The following MYO9B variants were observed in gnomAD, a reference collection of about 807,000 sequenced individuals.
The protein encoded by MYO9B is unconventional myosin-IXb.
In MYO9B, 71 loss-of-function variants were observed where a neutral mutation model predicts 229.5. The ratio of observed to expected loss-of-function variants is 0.31; its 90% confidence interval spans 0.26 to 0.38. The LOEUF is 0.38. Ranked by LOEUF, MYO9B falls within the 10% of genes least tolerant of loss-of-function variation. The pLI, the probability that MYO9B is intolerant of heterozygous loss-of-function variation, is 1.00. For missense variants in MYO9B, 2,255 were observed against 2,920.5 expected, an observed-to-expected ratio of 0.77 and a Z score of 5.25; for synonymous variants, 1,185 against 1,235.8, an observed-to-expected ratio of 0.96 and a Z score of 0.86.
intron 2 of MYO9B, among the ~76,000 whole-genome samples, chr19:17,115,417 C>T (rs1174924966): frequency 6.6e-6 from 1 of 151,702 alleles, no homozygotes; most frequent in African/African-American, 2.4e-5. Context: ...AGTACATCCA[C>T]CGCTTCGTAG....
At chr19:17,093,011 C>CATGT (rs749541306) in intron 1 of MYO9B, among the ~76,000 whole-genome samples, 14 of 152,162 alleles carry the variant, frequency 9.2e-5, no homozygotes, top group Non-Finnish European at 1.6e-4. Context: ...TGCCAGTGCA[C>CATGT]ACACACATTC....
At chr19:17,201,648 G>A (rs1462320233) in intron 26 of MYO9B, among the ~76,000 whole-genome samples, 8 of 152,082 alleles carry the variant, frequency 5.3e-5, no homozygotes, top group African/African-American at 9.7e-5. Flanking sequence ...AGGGGAGGGC[G>A]CTGTTGGCAT....
intron 2 of MYO9B, among the ~76,000 whole-genome samples, chr19:17,136,287 G>A (rs548017779): frequency 6.6e-6 from 1 of 152,276 alleles, no homozygotes; most frequent in South Asian, 2.1e-4. Flanking sequence ...TCCAGACTAT[G>A]GCCCTGCAGG....
At chr19:17,122,962 G>A (rs2057979262) in intron 2 of MYO9B, among the ~76,000 whole-genome samples, 1 of 152,144 alleles carries the variant, frequency 6.6e-6, no homozygotes, top group Admixed American at 6.5e-5. Flanking sequence ...AGGCGTGGTG[G>A]TGCAAGGTGG....
Position 17,193,411 on chromosome 19 carries a change from G to A in MYO9B, c.3128+349G>A, listed in dbSNP as rs968256397. On this transcript the variant is annotated intron_variant, in intron 21 of 39. Transcript: ENST00000682292. The surrounding 1 kb of genome is among the most constrained non-coding windows in gnomAD (Gnocchi z 4.3). ...CTCACATGGAGCTGGGGCATCCACCGGGCACAGAGAAGCCCCCAGGAGGAT... is the reference window on the plus strand; with the variant it reads ...CTCACATGGAGCTGGGGCATCCACCAGGCACAGAGAAGCCCCCAGGAGGAT... Among the ~76,000 whole-genome samples, 4 of 152,070 alleles carry A rather than the reference G, an allele frequency of 2.6e-5. No individual in the cohort carries two copies. The highest frequency in any genetic ancestry group is 7.2e-5 in the African/African-American group (3 of 41,448).
At chr19:17,162,912 A>G (rs2072619802) in intron 9 of MYO9B, 76 bp from the exon 10 acceptor site, 1 of 1,524,002 alleles carries the variant, frequency 6.6e-7, no homozygotes, top group African/African-American at 1.4e-5. Flanking sequence ...CAGCCTGTAG[A>G]GCCAACCCCT....
At chr19:17,169,244 C>A (rs111478344) in intron 11 of MYO9B, among the ~76,000 whole-genome samples, 10 of 151,476 alleles carry the variant, frequency 6.6e-5, no homozygotes, top group Non-Finnish European at 1.3e-4. Context: ...TGGTGACAGG[C>A]GCCTGTAATC....
chr19:17,203,653 C>T (rs1167238033), intron 30 of MYO9B, among the ~76,000 whole-genome samples: 3 of 151,654 alleles, frequency 2.0e-5, no homozygotes, highest in Non-Finnish European at 2.9e-5. Context: ...GCCCAGCCAC[C>T]AGGTCAGATC....
At chr19:17,160,387 G>A (rs1217117564) in intron 8 of MYO9B, among the ~76,000 whole-genome samples, 2 of 152,114 alleles carry the variant, frequency 1.3e-5, no homozygotes, top group Non-Finnish European at 2.9e-5. Context: ...AATGCAAAAC[G>A]AGGGGGACAC....
intron 2 of MYO9B, among the ~76,000 whole-genome samples, chr19:17,125,028 G>A (rs1046872781): frequency 2.0e-5 from 3 of 151,996 alleles, no homozygotes; most frequent in Non-Finnish European, 1.5e-5. Flanking sequence ...GGCCAGCTGC[G>A]GTGGCTCACA....
intron 1 of MYO9B, among the ~76,000 whole-genome samples, chr19:17,089,612 T>G (rs958704230): frequency 6.6e-6 from 1 of 151,622 alleles, no homozygotes; most frequent in African/African-American, 2.4e-5. Flanking sequence ...CCAGGGCCTG[T>G]TTTTTTTCGT....
In MYO9B at chr19:17,163,091, A is replaced by T. The variant is rs1400253637; in HGVS notation, c.1640A>T (p.Tyr547Phe). The T allele has an allele frequency of 1.3e-6, 2 of 1,564,588 alleles. No individual in the cohort carries two copies. Among genetic ancestry groups the T allele is most frequent in the East Asian group, 4.7e-5 (2 of 42,220 alleles). Residue 547 changes from tyrosine to phenylalanine, a missense_variant, in exon 10 of 40, where the codon TAC becomes TTC. Physicochemically the swap from Tyr to Phe is conservative, Grantham distance 22. This residue lies in a region of MYO9B where 220 missense variants were observed against 404.5 expected (regional missense o/e 0.54). Transcript: ENST00000682292. The stretch of plus-strand genomic sequence containing the variant: ...TACGCCAATGAGCAGCTGCAGTATT[A>T]CTTCAACCAGCACATCTTCAAGCTG... ...INYANEQLQY[Y>F]FNQHIFKLEQ...
chr19:17,133,238 G>A (rs2072224874), intron 2 of MYO9B, among the ~76,000 whole-genome samples: 1 of 152,164 alleles, frequency 6.6e-6, no homozygotes, highest in Non-Finnish European at 1.5e-5. Flanking sequence ...GGTCAATGGA[G>A]CTAATTAACG....
chr19:17,077,689 C>T (rs2057498979), intron 1 of MYO9B, among the ~76,000 whole-genome samples: 1 of 152,300 alleles, frequency 6.6e-6, no homozygotes, highest in Non-Finnish European at 1.5e-5. Flanking sequence ...TGAAACCCAA[C>T]TCTTCTCATC....
chr19:17,176,305 G>T (rs1454055695), intron 14 of MYO9B, among the ~76,000 whole-genome samples: 3 of 152,046 alleles, frequency 2.0e-5, no homozygotes, highest in East Asian at 3.9e-4. Flanking sequence ...CAAAGTGCTG[G>T]GATTACAGGC....
At chr19:17,107,599 C>CGGG (rs959149668) in intron 2 of MYO9B, among the ~76,000 whole-genome samples, 2 of 152,178 alleles carry the variant, frequency 1.3e-5, no homozygotes, top group African/African-American at 4.8e-5. Context: ...AAGGTGTCCA[C>CGGG]GGGGCCGCAC....
intron 13 of MYO9B, among the ~76,000 whole-genome samples, chr19:17,174,022 CTTTTTTT>C (rs11313520): frequency 6.2e-4 from 40 of 64,778 alleles, no homozygotes; most frequent in Admixed American, 1.2e-3. Flanking sequence ...TGATGAGCTG[CTTTTTTT>C]TTTTTTTTTT....
intron 19 of MYO9B, among the ~76,000 whole-genome samples, chr19:17,189,921 C>A (rs1054345785): frequency 1.3e-5 from 2 of 151,826 alleles, no homozygotes; most frequent in African/African-American, 4.8e-5. Context: ...AAAAATTAGC[C>A]GGGAGAGGTG....
At position 17,212,624 on chromosome 19, in the gene MYO9B, T is replaced by G. The variant is rs1277322240; in HGVS notation, c.*314T>G. The G allele has an allele frequency of 2.7e-6, 1 of 374,020 alleles. No homozygotes were observed. Among genetic ancestry groups the G allele is most frequent in the African/African-American group, 2.1e-5 (1 of 47,696 alleles). The allele number at this position is 374,020 out of a possible 1,614,324, so 23.2% of individuals were successfully genotyped here. A position where few individuals can be genotyped will look rare whatever the true frequency, so the allele number is the denominator to read the frequency against. ...TTTCTTTGTACGTGGTTTACGTAAC[T>G]TTAAACTGTAACAGCCTTAATGGAA... On this transcript the variant is annotated 3_prime_UTR_variant, in exon 40 of 40. Coordinates refer to ENST00000682292, the MANE Select transcript of MYO9B (RefSeq NM_004145.4). The surrounding 1 kb of genome is among the most constrained non-coding windows in gnomAD (Gnocchi z 5.4).
Sources: gnomAD v4.1 joint callset for allele counts (sites outside exome capture counted in the v4.1 genomes callset) on GRCh38, gnomAD v4.1.1 for gene constraint, gnomAD v4.1.1 regional missense constraint, Gnocchi (gnomAD v3.1) non-coding constraint, MANE v1.5 for transcripts, NCBI Gene and HGNC (gene_info 2026-07-23, HGNC 2026-07-21) for gene names.